The following PGBD2 variants were observed in gnomAD, a reference collection of about 807,000 sequenced individuals.
PGBD2 encodes piggyBac transposable element-derived protein 2.
A neutral mutation model predicts 8.1 loss-of-function variants in PGBD2; 6 were observed. That is an observed-to-expected ratio of 0.74 (90% confidence interval 0.40 to 1.46). The LOEUF (loss-of-function observed/expected upper bound fraction) is 1.46. Ranked by LOEUF, PGBD2 falls within the 40% of genes most tolerant of loss-of-function variation. The pLI is 0.02. For missense variants in PGBD2, 802 were observed against 739.0 expected (o/e 1.09, Z -0.99); for synonymous variants, 318 against 272.2 (o/e 1.17, Z -1.66).
chr1:248,887,740 T>C, the PGBD2 span, among the ~76,000 whole-genome samples: 5 of 152,158 alleles, frequency 3.3e-5, no homozygotes, highest in South Asian at 1.0e-3. Flanking sequence ...GTGGCAAAAG[T>C]GATTGCGATT....
At position 248,917,640 on chromosome 1, in the gene PGBD2, G is replaced by T. The variant is rs140328231; in HGVS notation, c.1056G>T (p.Lys352Asn). 3.7e-6 allele frequency: 6 copies of T among 1,614,074 alleles called. No homozygotes were observed. The African/African-American group carries it at 8.0e-5, about 22-fold the overall frequency. Residue 352 changes from lysine to asparagine, a missense_variant, in exon 3 of 3, where the codon AAG (lysine) becomes AAT (asparagine). By Grantham distance (94) the Lys-to-Asn change is moderately conservative. Transcript: ENST00000329291. The stretch of plus-strand genomic sequence containing the variant: ...TGCCATATCACATATTTTTTGACAA[G>T]GTTTTCACAAGTGTTAAACTGATGT... ...GFLPYHIFFD[K>N]VFTSVKLMSI...
upstream of PGBD2, among the ~76,000 whole-genome samples, chr1:248,902,790 T>C (rs946562188): frequency 2.6e-5 from 4 of 151,396 alleles, no homozygotes; most frequent in Admixed American, 2.0e-4. Context: ...AAGTGGGAGA[T>C]GAACTATGAG....
At chr1:248,880,483 G>A in the PGBD2 span, among the ~76,000 whole-genome samples, 37,592 of 152,144 alleles carry the variant, frequency 0.25, 8,700 homozygotes, top group African/African-American at 0.6. Flanking sequence ...TTAGAATCTA[G>A]TTTCTATGTC....
the PGBD2 span, among the ~76,000 whole-genome samples, chr1:248,927,192 TGAA>T: frequency 6.6e-6 from 1 of 152,078 alleles, no homozygotes; most frequent in Non-Finnish European, 1.5e-5. Flanking sequence ...TCTTAAAGAA[TGAA>T]GAAGAGATTT....
chr1:248,874,425 T>G, the PGBD2 span, among the ~76,000 whole-genome samples: 1 of 152,220 alleles, frequency 6.6e-6, no homozygotes, highest in Non-Finnish European at 1.5e-5. Flanking sequence ...CCTGGTGTCC[T>G]CATTTTGCAG....
the PGBD2 span, among the ~76,000 whole-genome samples, chr1:248,884,008 C>T: frequency 6.6e-6 from 1 of 152,140 alleles, no homozygotes; most frequent in Non-Finnish European, 1.5e-5. Flanking sequence ...TTTGCTAAGG[C>T]TGATATCCAG....
At chr1:248,875,338 A>G in the PGBD2 span, among the ~76,000 whole-genome samples, 2 of 140,622 alleles carry the variant, frequency 1.4e-5, no homozygotes, top group African/African-American at 6.4e-5. Context: ...AGAAAAGAAA[A>G]AAAGAAAGAA....
At chr1:248,908,807 G>A (rs35926181) in intron 1 of PGBD2, among the ~76,000 whole-genome samples, 4,222 of 151,732 alleles carry the variant, frequency 0.028, 154 homozygotes, top group East Asian at 0.17. Flanking sequence ...TTACTCTGGC[G>A]TCACTGCTTT....
At position 248,918,032 on chromosome 1, in the gene PGBD2, A is replaced by C; in HGVS notation, c.1448A>C (p.Tyr483Ser). 1 of 1,614,166 alleles carries C rather than the reference A, an allele frequency of 6.2e-7. No individual in the cohort carries two copies. Among genetic ancestry groups the C allele is most frequent in the South Asian group, 1.1e-5 (1 of 91,082 alleles). Residue 483 changes from tyrosine (Y) to serine (S), a missense_variant, in exon 3 of 3, where the codon TAC (tyrosine) becomes TCC (serine). Physicochemically the swap from Tyr to Ser is moderately radical, Grantham distance 144. Coordinates refer to ENST00000329291, the MANE Select transcript of PGBD2 (RefSeq NM_170725.3). ...GTGAAGATCCGAGGCATGAAGTGGT[A>C]CTCAAGCTTTATTGGCTATGTCATT... Reference protein sequence around the residue: ...YKVKIRGMKWYSSFIGYVIDA... With the variant: ...YKVKIRGMKWSSSFIGYVIDA...
the PGBD2 span, among the ~76,000 whole-genome samples, chr1:248,892,273 C>CCCTCCCTCCCTCCCTCCCTTCCTTCCTT: frequency 7.9e-6 from 1 of 127,348 alleles, no homozygotes; most frequent in African/African-American, 3.3e-5. Flanking sequence ...CTCCCTCCCT[C>CCCTCCCTCCCTCCCTCCCTTCCTTCCTT]CCTTCCTTCC....
chr1:248,900,472 A>C, the PGBD2 span, among the ~76,000 whole-genome samples: 4 of 152,332 alleles, frequency 2.6e-5, no homozygotes, highest in Admixed American at 2.6e-4. Flanking sequence ...TCATCACATA[A>C]ACAGAACTAA....
Position 248,917,506 on chromosome 1 carries a change from T to G in PGBD2, c.922T>G (p.Trp308Gly). The G allele has an allele frequency of 6.2e-7, 1 of 1,614,052 alleles. No individual in the cohort carries two copies. Among genetic ancestry groups the G allele is most frequent in the Non-Finnish European group, 8.5e-7 (1 of 1,180,014 alleles). ...CGTTSRGYLV[W>G]FEPSQGTLFT... ...GACAACCAGCAGAGGCTACTTGGTGTGGTTTGAGCCCTCACAGGGCACACT... is the reference window on the plus strand; with the variant it reads ...GACAACCAGCAGAGGCTACTTGGTGGGGTTTGAGCCCTCACAGGGCACACT... Residue 308 changes from tryptophan to glycine, a missense_variant, in exon 3 of 3, where the codon TGG becomes GGG. Trp to Gly is a radical substitution (Grantham distance 184, BLOSUM62 -2). Transcript: ENST00000329291.
At chr1:248,929,936 C>T in the PGBD2 span, among the ~76,000 whole-genome samples, 1 of 152,138 alleles carries the variant, frequency 6.6e-6, no homozygotes, top group Admixed American at 6.5e-5. Flanking sequence ...TTTGGAGCAC[C>T]TGGTAGTGCT....
At chr1:248,905,550 G>T (rs112564970), upstream of PGBD2, among the ~76,000 whole-genome samples, 5 of 152,266 alleles carry the variant, frequency 3.3e-5, no homozygotes, top group African/African-American at 1.2e-4. Flanking sequence ...TACAATTAAG[G>T]TTCTATTTTT....
At chr1:248,914,237 G>A (rs1165612913) in intron 2 of PGBD2, among the ~76,000 whole-genome samples, 3 of 152,192 alleles carry the variant, frequency 2.0e-5, no homozygotes, top group Non-Finnish European at 2.9e-5. Context: ...AGTTGTTTGA[G>A]AGTCTGGGGG....
rs1227938914 is a variant in PGBD2, at chr1:248,918,908, T to A, written c.*545T>A. 1.2e-5 allele frequency: 2 copies of A among 167,054 alleles called. No homozygotes were observed. Among genetic ancestry groups the A allele is most frequent in the African/African-American group, 4.8e-5 (2 of 41,446 alleles). 10.3% of individuals were successfully genotyped at this position (167,054 alleles called of 1,614,324 possible). ...AATGAAAATATTTTCCTAATACACA[T>A]ATATCAATGTGAGATTCATTTTTGT... On this transcript the variant is annotated 3_prime_UTR_variant, in exon 3 of 3. Transcript: ENST00000329291.
the PGBD2 span, among the ~76,000 whole-genome samples, chr1:248,901,140 C>A: frequency 1.9e-3 from 293 of 152,202 alleles, 1 homozygote; most frequent in African/African-American, 6.2e-3. Flanking sequence ...TAGGAAGAAT[C>A]AATATTGTGA....
chr1:248,901,798 C>G (rs575479811), upstream of PGBD2, among the ~76,000 whole-genome samples: 50 of 152,060 alleles, frequency 3.3e-4, no homozygotes, highest in African/African-American at 1.2e-3. Flanking sequence ...GCAAAAAAAC[C>G]ACAAACCATC....
the PGBD2 span, among the ~76,000 whole-genome samples, chr1:248,879,211 G>T: frequency 1.4e-4 from 21 of 152,132 alleles, no homozygotes; most frequent in Admixed American, 9.8e-4. Flanking sequence ...GCTACTGGGG[G>T]TACTTGGGGT....
Sources: gnomAD v4.1 joint callset for allele counts (sites outside exome capture counted in the v4.1 genomes callset) on GRCh38, gnomAD v4.1.1 for gene constraint, MANE v1.5 for transcripts, NCBI Gene and HGNC (gene_info 2026-07-23, HGNC 2026-07-21) for gene names.